The following ANTXR2 variants were observed in gnomAD, a reference collection of about 807,000 sequenced individuals.
ANTXR2 encodes the protein ANTXR cell adhesion molecule 2.
In ANTXR2, 44 loss-of-function variants were observed where a neutral mutation model predicts 73.7. The ratio of observed to expected loss-of-function variants is 0.60; its 90% CI spans 0.47 to 0.77. The LOEUF is 0.77. ANTXR2 is among the 30% of genes least tolerant of loss of function. The pLI, the probability that ANTXR2 is intolerant of heterozygous loss-of-function variation, is 0.00. For synonymous variants in ANTXR2, 217 were observed against 205.9 expected, an observed-to-expected ratio of 1.05 and a Z score of -0.46; for missense variants, 604 against 592.5, an observed-to-expected ratio of 1.02 and a Z score of -0.20.
intron 7 of ANTXR2, among the ~76,000 whole-genome samples, chr4:80,050,438 C>A (rs528966744): frequency 6.6e-6 from 1 of 151,460 alleles, no homozygotes; most frequent in Non-Finnish European, 1.5e-5. Flanking sequence ...GTGGACTGCC[C>A]GACAGAAGGA....
At chr4:80,060,469 T>G (rs184968863) in intron 3 of ANTXR2, among the ~76,000 whole-genome samples, 9 of 152,306 alleles carry the variant, frequency 5.9e-5, no homozygotes, top group Admixed American at 3.3e-4. Flanking sequence ...TTTGGGTAAA[T>G]AGGATAATCT....
chr4:79,980,260 C>T (rs1225498984), intron 14 of ANTXR2, among the ~76,000 whole-genome samples: 4 of 152,070 alleles, frequency 2.6e-5, no homozygotes, highest in Non-Finnish European at 4.4e-5. Flanking sequence ...CCACAAACAC[C>T]ACCACAAACA....
chr4:80,061,777 T>C (rs1207678314), intron 3 of ANTXR2, among the ~76,000 whole-genome samples: 1 of 152,168 alleles, frequency 6.6e-6, no homozygotes, highest in East Asian at 1.9e-4. Flanking sequence ...TTTGATACTT[T>C]TATTGTCTCC....
At chr4:80,055,626 T>C (rs997696766) in intron 4 of ANTXR2, among the ~76,000 whole-genome samples, 159 bp from the exon 5 acceptor site, 2 of 151,956 alleles carry the variant, frequency 1.3e-5, no homozygotes, top group South Asian at 2.1e-4. Context: ...GAAATATGCA[T>C]ATATTCACAT....
rs185335362 is a variant in ANTXR2, at chr4:79,922,176, T to C, written c.1429-14709A>G. Among the ~76,000 whole-genome samples the C allele has an allele frequency of 2.6e-5, 4 of 152,202 alleles. No homozygotes were observed. In the East Asian group the frequency reaches 7.7e-4, roughly 29 times the overall value. ...ATTCTATAGGCTAAAATTAGGCTGATAACAGCATGAAATCCCTACTTCTAT... is the reference window on the plus strand; with the variant it reads ...ATTCTATAGGCTAAAATTAGGCTGACAACAGCATGAAATCCCTACTTCTAT... On this transcript the variant is annotated intron_variant, in intron 16 of 16. Coordinates refer to ENST00000403729, the MANE Select transcript of ANTXR2 (RefSeq NM_058172.6).
intron 16 of ANTXR2, among the ~76,000 whole-genome samples, chr4:79,946,477 T>G (rs1438666067): frequency 6.6e-6 from 1 of 152,104 alleles, no homozygotes; most frequent in Admixed American, 6.6e-5. Flanking sequence ...CTATTCTTAA[T>G]TAGGGCAGGA....
At chr4:79,959,065 C>CA (rs900686285) in intron 16 of ANTXR2, among the ~76,000 whole-genome samples, 9 of 149,556 alleles carry the variant, frequency 6.0e-5, no homozygotes, top group East Asian at 3.9e-4. Context: ...CAACTGCAAG[C>CA]AAAAAAAAAT....
chr4:80,031,679 T>TA lies in ANTXR2; in HGVS notation c.809dup (p.Ser271LysfsTer5). 2.0e-6 allele frequency: 3 copies of TA among 1,507,514 alleles called. No homozygotes were observed. The highest frequency in any genetic ancestry group is 2.6e-6 in the Non-Finnish European group (3 of 1,133,960). 93.4% of individuals were successfully genotyped at this position (1,507,514 alleles called of 1,614,324 possible). ...AAAGCATAGAATTAAGCTGTACACT[T>TA]ACTGGTTTTACACCTAGAAAATAAA... is the stretch of plus-strand genomic sequence containing the variant. On this transcript the variant is annotated frameshift_variant, in exon 10 of 17. Coordinates refer to ENST00000403729, the MANE Select transcript of ANTXR2 (RefSeq NM_058172.6). LOFTEE classifies it high-confidence loss of function.
intron 7 of ANTXR2, among the ~76,000 whole-genome samples, chr4:80,037,953 T>C (rs1733057501): frequency 6.6e-6 from 1 of 152,126 alleles, no homozygotes; most frequent in Non-Finnish European, 1.5e-5. Flanking sequence ...AAGGAATTTA[T>C]CTTAAAACAG....
intron 16 of ANTXR2, among the ~76,000 whole-genome samples, chr4:79,914,682 T>G (rs1355626746): frequency 1.3e-5 from 2 of 152,182 alleles, no homozygotes; most frequent in Non-Finnish European, 2.9e-5. Flanking sequence ...TAACCTGAAC[T>G]AAGTTGAAAA....
chr4:79,923,812 A>G (rs1727679741), intron 16 of ANTXR2, among the ~76,000 whole-genome samples: 1 of 152,140 alleles, frequency 6.6e-6, no homozygotes, highest in Non-Finnish European at 1.5e-5. Context: ...TAGAAGAAGC[A>G]TGGTTTTTCT....
At chr4:79,966,244 G>T (rs1015017480) in intron 16 of ANTXR2, among the ~76,000 whole-genome samples, 7 of 151,852 alleles carry the variant, frequency 4.6e-5, no homozygotes, top group Non-Finnish European at 1.0e-4. Context: ...AGAAGTAGAG[G>T]ATACTACCAC....
At chr4:79,944,817 TTTCTCCC>T (rs1343722661) in intron 16 of ANTXR2, among the ~76,000 whole-genome samples, 1 of 152,096 alleles carries the variant, frequency 6.6e-6, no homozygotes. Flanking sequence ...ACCCCAATGT[TTTCTCCC>T]TAGAGTTTGA....
chr4:80,033,901 T>C (rs1480926566), intron 8 of ANTXR2, among the ~76,000 whole-genome samples: 2 of 152,010 alleles, frequency 1.3e-5, no homozygotes, highest in African/African-American at 4.8e-5. Context: ...TCAACTTCTA[T>C]CCTTAGGAAA....
chr4:79,937,566 T>A (rs1034651598), intron 16 of ANTXR2, among the ~76,000 whole-genome samples: 2 of 152,214 alleles, frequency 1.3e-5, no homozygotes, highest in African/African-American at 4.8e-5. Context: ...AGTACCATAC[T>A]CAAACAGATT....
intron 11 of ANTXR2, among the ~76,000 whole-genome samples, chr4:80,015,913 AAGGAAAGGAAAAAGG>A (rs1731832878): frequency 8.7e-5 from 6 of 68,980 alleles, no homozygotes; most frequent in Non-Finnish European, 1.4e-4. Flanking sequence ...AAGGAAAGGA[AAGGAAAGGAAAAAGG>A]AAAGGAAAGG....
intron 9 of ANTXR2, among the ~76,000 whole-genome samples, chr4:80,033,108 CATGTGTTTG>C (rs1732777154): frequency 6.6e-6 from 1 of 151,776 alleles, no homozygotes; most frequent in Non-Finnish European, 1.5e-5. Flanking sequence ...GCAATTAAAT[CATGTGTTTG>C]ATGTAGTAGG....
rs1726846071 is a variant in ANTXR2 at position 79,904,890 on chromosome 4, A to G, written c.*2539T>C. ...TGGTGGAAAAGTATAGGGATTTTTG[A>G]TCTGGTCTTTTGGTAAGAAAATAAC... On this transcript the variant is annotated 3_prime_UTR_variant, in exon 17 of 17. Coordinates refer to ENST00000403729, the MANE Select transcript of ANTXR2 (RefSeq NM_058172.6). 1 of 152,072 alleles carries G rather than the reference A, an allele frequency of 6.6e-6. No individual in the cohort carries two copies. Among genetic ancestry groups the G allele is most frequent in the African/African-American group, 2.4e-5 (1 of 41,418 alleles). The allele number at this position is 152,072 out of a possible 1,614,324, so 9.4% of individuals were successfully genotyped here.
At position 79,993,721 on chromosome 4, in the gene ANTXR2, T is replaced by C. The variant is rs1249278916; in HGVS notation, c.1042-8858A>G. 4.7e-5 allele frequency among the ~76,000 whole-genome samples: 7 copies of C among 147,762 alleles called. No homozygotes were observed. The Admixed American group carries it at 4.8e-4, about 10-fold the overall frequency. Reference sequence around the variant, plus strand: ...CTCTGTAGTTTCCAGTCTTTAGTCTTGATCCTAGAGTCTGGCAATACACCA... The same window carrying C: ...CTCTGTAGTTTCCAGTCTTTAGTCTCGATCCTAGAGTCTGGCAATACACCA... On this transcript the variant is annotated intron_variant, in intron 12 of 16. Transcript: ENST00000403729.
Sources: allele counts gnomAD v4.1 joint callset (sites outside exome capture counted in the v4.1 genomes callset), GRCh38; gene constraint gnomAD v4.1.1; transcripts MANE v1.5; gene names NCBI Gene and HGNC (gene_info 2026-07-23, HGNC 2026-07-21).